IFT80: variants seen among roughly 807,000 people sequenced by gnomAD.
The protein encoded by IFT80 is intraflagellar transport 80.
In IFT80, 79 loss-of-function variants were observed where a neutral mutation model predicts 107.9. That is an observed-to-expected ratio of 0.73 (90% CI 0.61 to 0.88). The LOEUF (loss-of-function observed/expected upper bound fraction) is 0.88, where lower values mean the gene tolerates loss of function less well. Among genes scored for constraint, IFT80 ranks in the 40% least tolerant of loss-of-function variants. The pLI is 0.00. For synonymous variants in IFT80, 299 were observed against 300.9 expected, an observed-to-expected ratio of 0.99 and a Z score of 0.07; for missense variants, 797 against 914.2, an observed-to-expected ratio of 0.87 and a Z score of 1.65.
At position 160,381,514 on chromosome 3, in the gene IFT80, G is replaced by T; in HGVS notation, c.248C>A (p.Thr83Lys). Reference sequence around the variant, plus strand: ...TATTTAAAACTTACCATCAGAACTTGTGAGGACAAAGCTTTCTGCCTGGGT... The same window carrying T: ...TATTTAAAACTTACCATCAGAACTTTTGAGGACAAAGCTTTCTGCCTGGGT... The part of the protein sequence containing the change: ...KQTQAESFVL[T>K]SSDGKFHLIS... Residue 83 changes from threonine to lysine, a missense_variant, in exon 3 of 20, where the codon ACA (threonine) becomes AAA (lysine). Transcript: ENST00000326448. The T allele has an allele frequency of 6.2e-7, 1 of 1,612,500 alleles. No homozygotes were observed.
intron 8 of IFT80, among the ~76,000 whole-genome samples, chr3:160,326,834 GA>G (rs944591375): frequency 4.7e-5 from 7 of 149,592 alleles, no homozygotes; most frequent in Admixed American, 4.0e-4. Context: ...ATCAGGCAAG[GA>G]AAAAAAAATA....
At chr3:160,381,239 A>AATAT (rs56915671) in intron 3 of IFT80, among the ~76,000 whole-genome samples, 4,494 of 86,198 alleles carry the variant, frequency 0.052, 404 homozygotes, top group African/African-American at 0.12. Flanking sequence ...CCCATCTCTA[A>AATAT]ATATATATAT....
At chr3:160,341,391 T>C (rs1719886208) in intron 8 of IFT80, among the ~76,000 whole-genome samples, 1 of 151,908 alleles carries the variant, frequency 6.6e-6, no homozygotes, top group Non-Finnish European at 1.5e-5. Context: ...GACCATGTTG[T>C]CACCAAGTGG....
chr3:160,366,599 G>C (rs1721882806), intron 5 of IFT80, among the ~76,000 whole-genome samples: 1 of 152,056 alleles, frequency 6.6e-6, no homozygotes, highest in African/African-American at 2.4e-5. Context: ...TTCAACAAAT[G>C]ATGTTGGTTT....
intron 5 of IFT80, among the ~76,000 whole-genome samples, chr3:160,367,987 C>T (rs1317668933): frequency 6.6e-6 from 1 of 151,848 alleles, no homozygotes; most frequent in Non-Finnish European, 1.5e-5. Context: ...ACTATATTTA[C>T]AAAACCATCT....
chr3:160,315,401 A>C (rs976641130), intron 9 of IFT80, among the ~76,000 whole-genome samples: 3 of 152,122 alleles, frequency 2.0e-5, no homozygotes, highest in African/African-American at 7.2e-5. Flanking sequence ...TTTTAGGGTA[A>C]AGATCTTGGG....
intron 18 of IFT80, among the ~76,000 whole-genome samples, chr3:160,273,058 C>G (rs1246564777): frequency 6.6e-6 from 1 of 152,116 alleles, no homozygotes; most frequent in Non-Finnish European, 1.5e-5. Flanking sequence ...TCACGGATAC[C>G]AAGCGATTAC....
intron 6 of IFT80, 145 bp downstream of exon 6, chr3:160,365,898 T>C (rs1467725913): frequency 5.8e-6 from 4 of 688,026 alleles, no homozygotes; most frequent in Non-Finnish European, 1.1e-5. Flanking sequence ...ATATTCCTTG[T>C]TCTGTAATAA....
At chr3:160,350,793 G>A (rs993400533) in intron 8 of IFT80, among the ~76,000 whole-genome samples, 4 of 151,820 alleles carry the variant, frequency 2.6e-5, no homozygotes, top group Non-Finnish European at 5.9e-5. Flanking sequence ...CCAGCCTGGC[G>A]ACAGAGCGAG....
At chr3:160,340,382 T>G (rs1193448681) in intron 8 of IFT80, among the ~76,000 whole-genome samples, 1 of 152,166 alleles carries the variant, frequency 6.6e-6, no homozygotes, top group Non-Finnish European at 1.5e-5. Context: ...TAGAAAAACA[T>G]AATTTGATTA....
At chr3:160,331,482 T>C (rs762682753) in intron 8 of IFT80, among the ~76,000 whole-genome samples, 5 of 152,222 alleles carry the variant, frequency 3.3e-5, no homozygotes, top group Admixed American at 6.5e-5. Flanking sequence ...GAGGAACTAC[T>C]ATATATCACT....
chr3:160,393,378 TAGACCTA>T (rs1713529724), intron 1 of IFT80, among the ~76,000 whole-genome samples: 1 of 152,238 alleles, frequency 6.6e-6, no homozygotes, highest in African/African-American at 2.4e-5. Flanking sequence ...AATTAAGAGT[TAGACCTA>T]AGTAAGCATT....
intron 8 of IFT80, among the ~76,000 whole-genome samples, chr3:160,346,270 C>T (rs1367891741): frequency 1.3e-5 from 2 of 152,014 alleles, no homozygotes; most frequent in South Asian, 2.1e-4. Flanking sequence ...GTTATCACTA[C>T]AAAAAATGTT....
chr3:160,390,566 A>G (rs1713305989), intron 1 of IFT80, among the ~76,000 whole-genome samples: 1 of 152,242 alleles, frequency 6.6e-6, no homozygotes, highest in Admixed American at 6.5e-5. Context: ...AAAAACTTAG[A>G]TGGTGAAGAA....
chr3:160,399,148 C>T lies in IFT80; in HGVS notation c.-49G>A, dbSNP rs1446546390. The T allele has an allele frequency of 6.6e-6, 1 of 152,262 alleles. No homozygotes were observed. 9.4% of individuals were successfully genotyped at this position (152,262 alleles called of 1,614,324 possible). On this transcript the variant is annotated splice_region_variant and 5_prime_UTR_variant, in exon 1 of 20. It removes the in-frame stop codon of an upstream open reading frame in the 5' UTR. Transcript: ENST00000326448. ...GGTCCAGAGGTGAAGGGATTTACCTCAAGTTCCAGGAAAGCGGTGGCGATT... is the reference window on the plus strand; with the variant it reads ...GGTCCAGAGGTGAAGGGATTTACCTTAAGTTCCAGGAAAGCGGTGGCGATT...
intron 8 of IFT80, among the ~76,000 whole-genome samples, chr3:160,326,852 C>T (rs1038867159): frequency 3.9e-5 from 6 of 151,952 alleles, no homozygotes; most frequent in African/African-American, 1.4e-4. Flanking sequence ...AATAAGGGTA[C>T]TCAGATAGGA....
At chr3:160,288,771 C>T (rs553911426) in intron 12 of IFT80, among the ~76,000 whole-genome samples, 9 of 152,148 alleles carry the variant, frequency 5.9e-5, no homozygotes, top group Non-Finnish European at 1.0e-4. Flanking sequence ...CCATCTCACA[C>T]CAGTCAGAAT....
chr3:160,327,781 C>G (rs1325525329), intron 8 of IFT80, among the ~76,000 whole-genome samples: 1 of 151,930 alleles, frequency 6.6e-6, no homozygotes, highest in Non-Finnish European at 1.5e-5. Flanking sequence ...CGCATAGGTA[C>G]AGATTTCAGG....
intron 8 of IFT80, among the ~76,000 whole-genome samples, chr3:160,352,639 G>T (rs1720796524): frequency 6.6e-6 from 1 of 152,124 alleles, no homozygotes; most frequent in Non-Finnish European, 1.5e-5. Flanking sequence ...TAGTGCCCAA[G>T]AATGTGTATT....
Sources: gnomAD v4.1 joint callset for allele counts (sites outside exome capture counted in the v4.1 genomes callset) on GRCh38, gnomAD v4.1.1 for gene constraint, MANE v1.5 for transcripts, NCBI Gene and HGNC (gene_info 2026-07-23, HGNC 2026-07-21) for gene names.